The following NAV3 variants were observed in gnomAD, a reference collection of about 807,000 sequenced individuals.
NAV3 encodes neuron navigator 3, also known as pore membrane and/or filament interacting like protein 1.
Under a neutral mutation model 244.7 loss-of-function variants are expected in NAV3, and 87 were observed. The ratio of observed to expected loss-of-function variants is 0.36; its 90% CI spans 0.30 to 0.42. The LOEUF (loss-of-function observed/expected upper bound fraction) is 0.42. Among genes scored for constraint, NAV3 ranks in the 20% least tolerant of loss-of-function variants. NAV3 has a pLI of 1.00. For missense variants in NAV3, 2,663 were observed against 2,893.3 expected, an observed-to-expected ratio of 0.92 and a Z score of 1.83; for synonymous variants, 1,126 against 1,042.2, an observed-to-expected ratio of 1.08 and a Z score of -1.55.
chr12:77,852,785 G>C (rs753600028), intron 1 of NAV3, among the ~76,000 whole-genome samples: 2 of 152,168 alleles, frequency 1.3e-5, no homozygotes, highest in Admixed American at 1.3e-4. Flanking sequence ...ATTGCTGTCT[G>C]ACATTTACAA....
At chr12:77,605,517 T>A (rs1443204566) in intron 2 of NAV3, among the ~76,000 whole-genome samples, 2 of 152,144 alleles carry the variant, frequency 1.3e-5, no homozygotes, top group Admixed American at 1.3e-4. Context: ...AACACATTAA[T>A]GTGTGTTGGA....
At chr12:77,938,042 A>G (rs1889492989) in intron 1 of NAV3, among the ~76,000 whole-genome samples, 1 of 152,160 alleles carries the variant, frequency 6.6e-6, no homozygotes, top group South Asian at 2.1e-4. Flanking sequence ...AAGTGGTCTC[A>G]AGTCAGATCT....
chr12:77,634,407 G>A (rs541815846), intron 2 of NAV3, among the ~76,000 whole-genome samples: 1 of 152,212 alleles, frequency 6.6e-6, no homozygotes, highest in African/African-American at 2.4e-5. Flanking sequence ...ATAATATTTT[G>A]AAGTAGCCTA....
At chr12:77,591,754 T>G (rs1869915741) in intron 2 of NAV3, among the ~76,000 whole-genome samples, 1 of 152,220 alleles carries the variant, frequency 6.6e-6, no homozygotes. Context: ...ATATTAAGAT[T>G]GAATTTATGT....
chr12:78,025,757 TG>T (rs1280092423), intron 9 of NAV3, among the ~76,000 whole-genome samples: 1 of 152,124 alleles, frequency 6.6e-6, no homozygotes, highest in Non-Finnish European at 1.5e-5. Flanking sequence ...CCACACAAAC[TG>T]GTTGTTAAAA....
At chr12:78,069,696 T>C (rs970787391) in intron 12 of NAV3, among the ~76,000 whole-genome samples, 32 of 152,022 alleles carry the variant, frequency 2.1e-4, no homozygotes, top group African/African-American at 7.7e-4. Flanking sequence ...ATTAGCAGAA[T>C]CCTATCTGAT....
intron 12 of NAV3, among the ~76,000 whole-genome samples, chr12:78,092,497 T>C (rs1045231558): frequency 2.9e-4 from 39 of 132,840 alleles, no homozygotes; most frequent in Middle Eastern, 7.4e-3. Context: ...TTTTCTTTTT[T>C]TTTTTTTTTT....
chr12:78,198,854 T>C (rs1334241830), intron 36 of NAV3, among the ~76,000 whole-genome samples, 178 bp downstream of exon 36: 1 of 150,936 alleles, frequency 6.6e-6, no homozygotes, highest in East Asian at 1.9e-4. Context: ...CTTCTGACAC[T>C]CTTTCTCAAG....
intron 2 of NAV3, among the ~76,000 whole-genome samples, chr12:77,761,868 G>A (rs1209854454): frequency 6.6e-6 from 1 of 152,194 alleles, no homozygotes; most frequent in Non-Finnish European, 1.5e-5. Context: ...AGACAGGATG[G>A]TGATTCCTCA....
intron 21 of NAV3, among the ~76,000 whole-genome samples, chr12:78,147,612 G>GAA (rs35483763): frequency 8.7e-4 from 123 of 141,604 alleles, no homozygotes; most frequent in African/African-American, 2.4e-3. Flanking sequence ...ATCTGTTCCG[G>GAA]AAAAAAAAAA....
At chr12:78,118,410 T>G in intron 14 of NAV3, 113 bp downstream of exon 14, 1 of 1,360,506 alleles carries the variant, frequency 7.4e-7, no homozygotes. Context: ...CTTATCCATA[T>G]TAAACATGGA....
chr12:77,794,802 T>C (rs1486974551), intron 2 of NAV3, among the ~76,000 whole-genome samples: 1 of 152,200 alleles, frequency 6.6e-6, no homozygotes, highest in African/African-American at 2.4e-5. Context: ...TGATGTTATG[T>C]TGTAATTGTT....
At chr12:77,967,556 A>G (rs1375713952) in intron 4 of NAV3, among the ~76,000 whole-genome samples, 1 of 152,158 alleles carries the variant, frequency 6.6e-6, no homozygotes, top group Non-Finnish European at 1.5e-5. Context: ...AAACTCCAAA[A>G]GGGGACATAA....
At chr12:78,122,505 C>T (rs2138712378) in intron 16 of NAV3, 77 bp downstream of exon 16, 1 of 1,479,414 alleles carries the variant, frequency 6.8e-7, no homozygotes, top group Non-Finnish European at 9.0e-7. Context: ...CCATTAAATT[C>T]CCTTGATTTC....
intron 2 of NAV3, among the ~76,000 whole-genome samples, chr12:77,767,816 T>G (rs1186457185): frequency 2.0e-5 from 3 of 152,146 alleles, no homozygotes. Flanking sequence ...TGCAACTCTT[T>G]TTTCCTTCCC....
At chr12:78,104,170 T>C (rs1954682790) in intron 12 of NAV3, among the ~76,000 whole-genome samples, 1 of 152,158 alleles carries the variant, frequency 6.6e-6, no homozygotes, top group Admixed American at 6.5e-5. Context: ...GCCTGAAGTA[T>C]AAGAGTTGGT....
At chr12:78,178,829 T>C (rs1022002431) in intron 28 of NAV3, among the ~76,000 whole-genome samples, 2 of 152,132 alleles carry the variant, frequency 1.3e-5, no homozygotes, top group Non-Finnish European at 2.9e-5. Flanking sequence ...TTTGGCAAAT[T>C]TCCTGCGAAG....
intron 9 of NAV3, among the ~76,000 whole-genome samples, chr12:78,040,804 T>C (rs1192463120): frequency 6.6e-6 from 1 of 152,196 alleles, no homozygotes; most frequent in Non-Finnish European, 1.5e-5. Flanking sequence ...CCAATAACTG[T>C]ATGAAATCTT....
chr12:78,188,810 A>G, intron 33 of NAV3, 33 bp downstream of exon 33: 1 of 1,599,374 alleles, frequency 6.3e-7, no homozygotes, highest in Non-Finnish European at 8.5e-7. Flanking sequence ...AGGCAGAAAT[A>G]TAATTTTTAG....
Sources: allele counts gnomAD v4.1 joint callset (sites outside exome capture counted in the v4.1 genomes callset), GRCh38; gene constraint gnomAD v4.1.1; transcripts MANE v1.5; gene names NCBI Gene and HGNC (gene_info 2026-07-23, HGNC 2026-07-21).